NID1: variants seen among roughly 807,000 people sequenced by gnomAD.
NID1 encodes nidogen 1.
A neutral mutation model predicts 130.6 loss-of-function variants in NID1; 76 were observed. The ratio of observed to expected loss-of-function variants is 0.58; its 90% CI spans 0.48 to 0.70. NID1 has a LOEUF of 0.70. Among genes scored for constraint, NID1 ranks in the 30% least tolerant of loss-of-function variants. The probability of loss-of-function intolerance (pLI) is 0.00; values close to 1 mark genes in which losing one functional copy is unlikely to be tolerated. For missense variants in NID1, 1,517 were observed against 1,664.8 expected (o/e 0.91, Z 1.54); for synonymous variants, 665 against 675.1 (o/e 0.98, Z 0.23).
intron 4 of NID1, among the ~76,000 whole-genome samples, chr1:236,039,406 C>T (rs894987045): frequency 1.3e-5 from 2 of 151,528 alleles, no homozygotes; most frequent in Non-Finnish European, 2.9e-5. Context: ...TAAATCACCT[C>T]CCACCCCACC....
chr1:235,998,033 G>T (rs534791228), intron 12 of NID1, among the ~76,000 whole-genome samples: 39 of 152,296 alleles, frequency 2.6e-4, no homozygotes, highest in African/African-American at 8.4e-4. Context: ...AGGAGTCAGT[G>T]GGAGGTGACG....
At chr1:236,001,679 A>C (rs1473137120) in intron 12 of NID1, among the ~76,000 whole-genome samples, 1 of 152,218 alleles carries the variant, frequency 6.6e-6, no homozygotes, top group African/African-American at 2.4e-5. Flanking sequence ...CCATTCTCAC[A>C]GGGCTAGAGA....
intron 14 of NID1, among the ~76,000 whole-genome samples, chr1:235,988,758 C>A (rs1459382854): frequency 1.3e-5 from 2 of 152,102 alleles, no homozygotes; most frequent in Non-Finnish European, 2.9e-5. Flanking sequence ...GTGAAATATG[C>A]CAGACACGAA....
chr1:236,043,594 C>G lies in NID1; in HGVS notation c.753-1302G>C, dbSNP rs574925771. On this transcript the variant is annotated intron_variant, in intron 3 of 19. Coordinates refer to ENST00000264187, the MANE Select transcript of NID1 (RefSeq NM_002508.3). ...AGGGCAGATCATGAGGTCAGGAGAT[C>G]GAGACCATCCTGGCTAACATGGTGA... Among the ~76,000 whole-genome samples, 23 of 152,148 alleles carry G rather than the reference C, an allele frequency of 1.5e-4. No homozygotes were observed. In the East Asian group the frequency reaches 1.7e-3, roughly 12 times the overall value.
At position 236,042,251 on chromosome 1, in the gene NID1, A is replaced by G; in HGVS notation, c.794T>C (p.Ile265Thr). The change falls in exon 4 of 20, where the codon ATT becomes ACT. Residue 265 changes from isoleucine to threonine, a missense_variant. Ile to Thr is a moderately conservative substitution (Grantham distance 89). Coordinates refer to ENST00000264187, the MANE Select transcript of NID1 (RefSeq NM_002508.3). ...SGQQGVWVFE[I>T]GSPATTNGVV... Reference sequence around the variant, plus strand: ...GCCATTGGTGGTGGCTGGACTCCCAATCTCAAACACCCAGACACCCTGCTG... The same window carrying G: ...GCCATTGGTGGTGGCTGGACTCCCAGTCTCAAACACCCAGACACCCTGCTG... The G allele has an allele frequency of 2.5e-6, 4 of 1,608,498 alleles. No homozygotes were observed. The highest frequency in any genetic ancestry group is 2.5e-6 in the Non-Finnish European group (3 of 1,179,948).
rs768571804 is a variant in NID1 at position 236,026,118 on chromosome 1, C to G, written c.1762G>C (p.Glu588Gln). Reference protein sequence around the residue: ...TSVITSSSTREYTVTEPERDG... With the variant: ...TSVITSSSTRQYTVTEPERDG... The stretch of plus-strand genomic sequence containing the variant: ...CGCTCGGGCTCAGTCACCGTGTACT[C>G]CCGGGTGGAGGAGGAAGTGATCACT... The change falls in exon 8 of 20, where the codon GAG becomes CAG. Residue 588 changes from glutamate (E) to glutamine (Q), a missense_variant. Physicochemically the swap from Glu to Gln is conservative, Grantham distance 29. Coordinates refer to ENST00000264187, the MANE Select transcript of NID1 (RefSeq NM_002508.3). The G allele has an allele frequency of 6.2e-7, 1 of 1,613,798 alleles. No individual in the cohort carries two copies. Among genetic ancestry groups the G allele is most frequent in the East Asian group, 2.2e-5 (1 of 44,866 alleles).
chr1:236,000,189 G>A (rs1366449415), intron 12 of NID1, among the ~76,000 whole-genome samples: 1 of 150,454 alleles, frequency 6.6e-6, no homozygotes, highest in African/African-American at 2.5e-5. Flanking sequence ...ACTCCAGCCT[G>A]GGTGACAGAG....
chr1:236,018,655 C>T (rs1307808889), intron 9 of NID1, among the ~76,000 whole-genome samples: 7 of 152,202 alleles, frequency 4.6e-5, no homozygotes, highest in Non-Finnish European at 8.8e-5. Flanking sequence ...ACAGCTACTT[C>T]TGGCATTTCT....
chr1:235,992,484 G>A (rs1161358581), intron 13 of NID1, among the ~76,000 whole-genome samples: 1 of 152,182 alleles, frequency 6.6e-6, no homozygotes, highest in Non-Finnish European at 1.5e-5. Context: ...TTGCCCTCAT[G>A]ACCAATACTC....
chr1:236,008,047 C>T (rs766417644), intron 12 of NID1, among the ~76,000 whole-genome samples: 1 of 152,196 alleles, frequency 6.6e-6, no homozygotes, highest in Non-Finnish European at 1.5e-5. Context: ...CACATGCTGG[C>T]ATGCACTCAC....
intron 14 of NID1, among the ~76,000 whole-genome samples, chr1:235,988,018 C>G (rs1339887855): frequency 6.7e-6 from 1 of 149,956 alleles, no homozygotes; most frequent in Non-Finnish European, 1.5e-5. Context: ...AAAGCACAGG[C>G]AACAAAAGAA....
At chr1:236,003,757 C>T (rs1409964565) in intron 12 of NID1, among the ~76,000 whole-genome samples, 1 of 152,216 alleles carries the variant, frequency 6.6e-6, no homozygotes, top group Admixed American at 6.5e-5. Flanking sequence ...GTAATCCCAG[C>T]TACTCAGGAG....
intron 1 of NID1, among the ~76,000 whole-genome samples, chr1:236,063,478 AAAAAT>A (rs869264237): frequency 1.6e-4 from 23 of 145,524 alleles, no homozygotes; most frequent in Admixed American, 5.4e-4. Flanking sequence ...TCTCAAAAAA[AAAAAT>A]AAATAAATAA....
intron 12 of NID1, among the ~76,000 whole-genome samples, chr1:236,009,953 C>T (rs1271926553): frequency 6.6e-6 from 1 of 152,152 alleles, no homozygotes; most frequent in Non-Finnish European, 1.5e-5. Context: ...AGATTCCAGC[C>T]TACACGCCTG....
chr1:235,980,313 G>T (rs1330421669), intron 17 of NID1, among the ~76,000 whole-genome samples, 183 bp downstream of exon 17: 5 of 152,264 alleles, frequency 3.3e-5, no homozygotes, highest in South Asian at 4.1e-4. Context: ...CAGTATGCAG[G>T]TATCTATACA....
chr1:236,025,092 C>T (rs548044117), intron 8 of NID1, among the ~76,000 whole-genome samples: 7 of 150,910 alleles, frequency 4.6e-5, no homozygotes, highest in Non-Finnish European at 5.9e-5. Context: ...GCTGGGATTA[C>T]AGCCACACAC....
At chr1:236,010,727 C>T (rs941123273) in intron 12 of NID1, among the ~76,000 whole-genome samples, 1 of 152,202 alleles carries the variant, frequency 6.6e-6, no homozygotes, top group African/African-American at 2.4e-5. Flanking sequence ...ACTTTATTTA[C>T]AAAAACAGAC....
intron 1 of NID1, among the ~76,000 whole-genome samples, chr1:236,054,751 C>T (rs1659851875): frequency 6.6e-6 from 1 of 151,604 alleles, no homozygotes; most frequent in South Asian, 2.1e-4. Flanking sequence ...AAGCAATTCT[C>T]CTGCCTCAGC....
At chr1:235,999,075 C>T (rs888473232) in intron 12 of NID1, among the ~76,000 whole-genome samples, 12 of 152,194 alleles carry the variant, frequency 7.9e-5, no homozygotes, top group Non-Finnish European at 1.3e-4. Flanking sequence ...ACGACAACAG[C>T]GATGTACACA....
Sources: allele counts gnomAD v4.1 joint callset (sites outside exome capture counted in the v4.1 genomes callset), GRCh38; gene constraint gnomAD v4.1.1; transcripts MANE v1.5; gene names NCBI Gene and HGNC (gene_info 2026-07-23, HGNC 2026-07-21).